SPATA1: variants seen among roughly 807,000 people sequenced by gnomAD.
SPATA1 encodes spermatogenesis associated 1.
In SPATA1, 57 loss-of-function variants were observed where a neutral mutation model predicts 59.6. The observed-to-expected ratio is 0.96, with a 90% CI of 0.77 to 1.19. The LOEUF (loss-of-function observed/expected upper bound fraction) is 1.19, where lower values mean the gene tolerates loss of function less well. Among genes scored for constraint, SPATA1 ranks in the 50% most tolerant of loss-of-function variants. The pLI is 0.00. For synonymous variants in SPATA1, 147 were observed against 163.9 expected, an observed-to-expected ratio of 0.90 and a Z score of 0.79; for missense variants, 448 against 480.7, an observed-to-expected ratio of 0.93 and a Z score of 0.64.
At chr1:84,525,446 C>G (rs1050564249) in intron 4 of SPATA1, among the ~76,000 whole-genome samples, 1 of 151,978 alleles carries the variant, frequency 6.6e-6, no homozygotes, top group East Asian at 1.9e-4. Context: ...TAAAATAGTG[C>G]CAGGGACATA....
intron 8 of SPATA1, among the ~76,000 whole-genome samples, chr1:84,541,374 A>G (rs1489067370): frequency 3.3e-5 from 5 of 151,816 alleles, no homozygotes; most frequent in African/African-American, 4.8e-5. Flanking sequence ...CTTTACCTTT[A>G]TATCTGCCAC....
chr1:84,565,881 A>G (rs1164185450), exon 5 of SPATA1: 4 of 1,578,140 alleles, frequency 2.5e-6, no homozygotes, highest in Non-Finnish European at 3.4e-6. Context: ...CTGCTGCAAT[A>G]CATTCTGACC....
At chr1:84,509,065 A>G (rs1682414064) in intron 1 of SPATA1, among the ~76,000 whole-genome samples, 1 of 152,208 alleles carries the variant, frequency 6.6e-6, no homozygotes, top group African/African-American at 2.4e-5. Flanking sequence ...ATTAAAAACA[A>G]TCCTAAAACT....
At chr1:84,529,598 T>G (rs1218075448) in intron 6 of SPATA1, among the ~76,000 whole-genome samples, 1 of 147,540 alleles carries the variant, frequency 6.8e-6, no homozygotes, top group African/African-American at 2.5e-5. Flanking sequence ...TTTTTTTTTT[T>G]TTGAGACGGA....
downstream of SPATA1, chr1:84,554,654 T>C (rs761564255): frequency 1.1e-5 from 2 of 181,636 alleles, no homozygotes; most frequent in Non-Finnish European, 2.3e-5. Flanking sequence ...AGATTATACA[T>C]ATTTTAAAAA....
At chr1:84,535,716 T>C (rs1241929976) in intron 8 of SPATA1, among the ~76,000 whole-genome samples, 1 of 152,304 alleles carries the variant, frequency 6.6e-6, no homozygotes, top group Non-Finnish European at 1.5e-5. Context: ...CTATCAGGTT[T>C]TTTTTTTGTA....
intron 10 of SPATA1, among the ~76,000 whole-genome samples, chr1:84,547,152 G>C (rs1684116747): frequency 6.6e-6 from 1 of 152,194 alleles, no homozygotes; most frequent in Non-Finnish European, 1.5e-5. Context: ...GTGGCAATGA[G>C]TCAGCCTTGT....
At chr1:84,517,952 A>G (rs1183213025) in intron 2 of SPATA1, among the ~76,000 whole-genome samples, 2 of 151,542 alleles carry the variant, frequency 1.3e-5, no homozygotes, top group Non-Finnish European at 2.9e-5. Flanking sequence ...GATATAATGC[A>G]ATATAAAATA....
chr1:84,527,938 C>T (rs1388860407), intron 6 of SPATA1, among the ~76,000 whole-genome samples: 1 of 152,162 alleles, frequency 6.6e-6, no homozygotes, highest in Non-Finnish European at 1.5e-5. Context: ...ACCATGTTGG[C>T]CAGGGTGGTC....
chr1:84,535,354 A>G (rs1004086412), intron 8 of SPATA1, among the ~76,000 whole-genome samples: 3 of 152,100 alleles, frequency 2.0e-5, no homozygotes, highest in Admixed American at 6.6e-5. Context: ...TTTTAGAATC[A>G]GCTTGTCAAT....
chr1:84,509,829 G>T (rs1682457691), intron 1 of SPATA1, among the ~76,000 whole-genome samples: 1 of 152,068 alleles, frequency 6.6e-6, no homozygotes, highest in South Asian at 2.1e-4. Flanking sequence ...AAGATTTTTT[G>T]AATAATGCCC....
chr1:84,514,055 G>C (rs1018274139), intron 1 of SPATA1, among the ~76,000 whole-genome samples: 2 of 151,978 alleles, frequency 1.3e-5, no homozygotes, highest in African/African-American at 4.8e-5. Context: ...ATGTTGGCCA[G>C]ACTGGTCTCA....
intron 6 of SPATA1, chr1:84,527,647 G>A (rs1342908718): frequency 2.0e-5 from 3 of 151,900 alleles, no homozygotes; most frequent in African/African-American, 7.3e-5. Flanking sequence ...ATAGATCTGT[G>A]TCATTATAGA....
At chr1:84,545,599 G>T in intron 9 of SPATA1, 35 bp from the exon 10 acceptor site, 1 of 1,480,486 alleles carries the variant, frequency 6.8e-7, no homozygotes, top group South Asian at 1.5e-5. Flanking sequence ...TTTCAGCTTT[G>T]AGACATTGAT....
chr1:84,546,722 C>A (rs1315586088), intron 10 of SPATA1, among the ~76,000 whole-genome samples: 1 of 152,122 alleles, frequency 6.6e-6, no homozygotes, highest in Non-Finnish European at 1.5e-5. Context: ...ATTAGTCAGT[C>A]AAGATCACCT....
downstream of SPATA1, among the ~76,000 whole-genome samples, chr1:84,567,279 T>C (rs1010658135): frequency 8.5e-5 from 13 of 152,214 alleles, no homozygotes. Context: ...AATTATTACA[T>C]ATTTGTTCCT....
intron 4 of SPATA1, chr1:84,563,460 G>A (rs1684632326): frequency 3.6e-6 from 5 of 1,371,208 alleles, no homozygotes; most frequent in Non-Finnish European, 4.8e-6. Context: ...TATCAATTAT[G>A]CAATTCTTAA....
chr1:84,510,150 G>A (rs1682473980), intron 1 of SPATA1, among the ~76,000 whole-genome samples: 1 of 152,120 alleles, frequency 6.6e-6, no homozygotes, highest in Admixed American at 6.6e-5. Context: ...ATGGGCAACA[G>A]AGAAGCCCTG....
chr1:84,558,504 G>A (rs1220200766), downstream of SPATA1, among the ~76,000 whole-genome samples: 1 of 150,766 alleles, frequency 6.6e-6, no homozygotes, highest in East Asian at 2.0e-4. Context: ...TTTTAGCCGG[G>A]ATGGTCTCGA....
Sources: gnomAD v4.1 joint callset for allele counts (sites outside exome capture counted in the v4.1 genomes callset) on GRCh38, gnomAD v4.1.1 for gene constraint, MANE v1.5 for transcripts, NCBI Gene and HGNC (gene_info 2026-07-23, HGNC 2026-07-21) for gene names.